Variants in MYO1B observed in about 807,000 individuals in gnomAD.
MYO1B encodes myosin IB.
MYO1B carries 72 observed loss-of-function variants against 159.7 expected under a neutral mutation model. The observed-to-expected ratio is 0.45, with a 90% CI of 0.37 to 0.55. The LOEUF (loss-of-function observed/expected upper bound fraction) is 0.55, where lower values mean the gene tolerates loss of function less well. Among genes scored for constraint, MYO1B ranks in the 20% least tolerant of loss-of-function variants. The pLI is 0.00. For synonymous variants in MYO1B, 468 were observed against 473.8 expected (o/e 0.99, Z 0.16); for missense variants, 1,062 against 1,364.8 (o/e 0.78, Z 3.50).
chr2:191,319,386 G>A (rs879908374), intron 3 of MYO1B, among the ~76,000 whole-genome samples: 1 of 152,162 alleles, frequency 6.6e-6, no homozygotes, highest in African/African-American at 2.4e-5. Context: ...TAGGCCTGGA[G>A]CCTGCTCAGT....
intron 7 of MYO1B, among the ~76,000 whole-genome samples, chr2:191,353,455 C>T (rs528144368): frequency 3.3e-5 from 5 of 152,288 alleles, no homozygotes; most frequent in East Asian, 1.9e-4. Context: ...GAGAAATATA[C>T]GCTATGAAGA....
At chr2:191,285,192 A>G (rs2125773807) in intron 2 of MYO1B, among the ~76,000 whole-genome samples, 1 of 152,354 alleles carries the variant, frequency 6.6e-6, no homozygotes, top group South Asian at 2.1e-4. Context: ...TATTTGGAAA[A>G]TACTTGTCTC....
intron 1 of MYO1B, among the ~76,000 whole-genome samples, chr2:191,266,597 C>T (rs2125706925): frequency 6.6e-6 from 1 of 152,288 alleles, no homozygotes; most frequent in East Asian, 1.9e-4. Flanking sequence ...TGTGAAAGAC[C>T]ATTTTCAGAC....
intron 19 of MYO1B, among the ~76,000 whole-genome samples, chr2:191,392,844 AT>A (rs1229274926): frequency 1.4e-4 from 21 of 152,362 alleles, no homozygotes; most frequent in African/African-American, 5.0e-4. Flanking sequence ...CTGATTTGTC[AT>A]AAATTCTGAA....
chr2:191,273,528 C>T (rs1043256702), intron 1 of MYO1B, among the ~76,000 whole-genome samples: 5 of 152,206 alleles, frequency 3.3e-5, no homozygotes, highest in African/African-American at 4.8e-5. Context: ...CCAAGTGTCA[C>T]GTCTGCAAGT....
At chr2:191,288,586 A>G (rs12624271) in intron 2 of MYO1B, among the ~76,000 whole-genome samples, 80,179 of 152,108 alleles carry the variant, frequency 0.53, 21,923 homozygotes, top group East Asian at 0.66. Context: ...CCTAAGCTAT[A>G]TTATAAACTT....
chr2:191,274,880 T>C (rs1451779566), intron 1 of MYO1B, among the ~76,000 whole-genome samples: 1 of 151,890 alleles, frequency 6.6e-6, no homozygotes, highest in Non-Finnish European at 1.5e-5. Flanking sequence ...CGTTGTTGAG[T>C]TTTAGTGGTA....
At chr2:191,399,355 A>G (rs560016528) in intron 21 of MYO1B, among the ~76,000 whole-genome samples, 49 of 152,356 alleles carry the variant, frequency 3.2e-4, no homozygotes, top group African/African-American at 1.1e-3. Context: ...TATGGAATAG[A>G]GATTTCAGTG....
At position 191,364,185 on chromosome 2, in the gene MYO1B, G is replaced by T. The variant is rs758118429; in HGVS notation, c.941G>T (p.Gly314Val). 5.6e-6 allele frequency: 9 copies of T among 1,613,854 alleles called. No individual in the cohort carries two copies. In the East Asian group the frequency reaches 1.8e-4, roughly 32 times the overall value. The change falls in exon 11 of 31, where the codon GGC (glycine) becomes GTC (valine). Residue 314 changes from glycine to valine, a missense_variant. Coordinates refer to ENST00000392318, the MANE Select transcript of MYO1B (RefSeq NM_001130158.3). ...TTAAAAGAAATTTGTGAATTGACCG[G>T]CATTGATCAATCAGTTCTAGAACGA... ...NELKEICELT[G>V]IDQSVLERAF... is the part of the protein sequence containing the mutation.
intron 29 of MYO1B, among the ~76,000 whole-genome samples, chr2:191,415,321 T>C (rs1356190325): frequency 1.3e-5 from 2 of 152,316 alleles, no homozygotes; most frequent in East Asian, 1.9e-4. Flanking sequence ...TTAACAAATA[T>C]TGATCATATG....
rs560315887 is a variant in MYO1B, at chr2:191,383,126, G to A, written c.1291-154G>A. ...AGGCAGCTGCATTGAGAAAGTTTTGGGAACTGCCTGTGACATTTGCAGTAC... is the reference window on the plus strand; with the variant it reads ...AGGCAGCTGCATTGAGAAAGTTTTGAGAACTGCCTGTGACATTTGCAGTAC... On this transcript the variant is annotated intron_variant, in intron 14 of 30. Coordinates refer to ENST00000392318, the MANE Select transcript of MYO1B (RefSeq NM_001130158.3). 2.0e-5 allele frequency among the ~76,000 whole-genome samples: 3 copies of A among 152,082 alleles called. No homozygotes were observed. In the East Asian group the frequency reaches 5.8e-4, roughly 29 times the overall value.
At chr2:191,410,972 C>A (rs2126166288) in intron 26 of MYO1B, 94 bp from the exon 27 acceptor site, 1 of 695,918 alleles carries the variant, frequency 1.4e-6, no homozygotes. Flanking sequence ...CTCCCTTATT[C>A]TTGTTGCTGA....
rs1198476269 is a variant in MYO1B at position 191,390,387 on chromosome 2, G to A, written c.1877G>A (p.Arg626Gln). Residue 626 changes from arginine (R) to glutamine (Q), a missense_variant, in exon 18 of 31, where the codon CGA becomes CAA. Arg to Gln is a conservative substitution (Grantham distance 43). Transcript: ENST00000392318. Reference protein sequence around the residue: ...IRYLGLLENVRVRRAGYAFRQ... With the variant: ...IRYLGLLENVQVRRAGYAFRQ... Reference sequence around the variant, plus strand: ...TACCTGGGGCTTTTGGAGAACGTCCGAGTGCGGAGGGCAGGCTACGCCTTC... The same window carrying A: ...TACCTGGGGCTTTTGGAGAACGTCCAAGTGCGGAGGGCAGGCTACGCCTTC... 12 of 1,614,122 alleles carry A rather than the reference G, an allele frequency of 7.4e-6. No individual in the cohort carries two copies. Among genetic ancestry groups the A allele is most frequent in the South Asian group, 1.1e-5 (1 of 91,090 alleles).
At chr2:191,334,808 C>G (rs1366307316) in intron 4 of MYO1B, among the ~76,000 whole-genome samples, 1 of 152,078 alleles carries the variant, frequency 6.6e-6, no homozygotes, top group Non-Finnish European at 1.5e-5. Flanking sequence ...AGCACCAGTT[C>G]CAAATCTCAT....
chr2:191,263,457 TC>T (rs973206080), intron 1 of MYO1B: 1 of 348,486 alleles, frequency 2.9e-6, no homozygotes, highest in African/African-American at 2.2e-5. Context: ...CTCTAGTTTT[TC>T]TACCCACCTA....
chr2:191,336,855 A>T (rs938746039), intron 4 of MYO1B, among the ~76,000 whole-genome samples: 2 of 152,196 alleles, frequency 1.3e-5, no homozygotes, highest in Non-Finnish European at 2.9e-5. Flanking sequence ...ATTCCTAGAA[A>T]AACTTTGGTG....
At chr2:191,369,740 GA>G in intron 12 of MYO1B, 112 bp downstream of exon 12, 1 of 790,352 alleles carries the variant, frequency 1.3e-6, no homozygotes, top group South Asian at 1.7e-5. Context: ...CACTTACAAA[GA>G]TTATTCCTTA....
intron 2 of MYO1B, among the ~76,000 whole-genome samples, chr2:191,283,627 A>G (rs1378521805): frequency 1.3e-5 from 2 of 152,240 alleles, no homozygotes; most frequent in Admixed American, 6.5e-5. Context: ...ACATATGAAG[A>G]AACCGAGGCT....
At chr2:191,330,293 C>G (rs575978329) in intron 4 of MYO1B, among the ~76,000 whole-genome samples, 1 of 152,278 alleles carries the variant, frequency 6.6e-6, no homozygotes, top group South Asian at 2.1e-4. Context: ...GGTGCAAGAT[C>G]TTTTTACTTT....
Sources: gnomAD v4.1 joint callset for allele counts (sites outside exome capture counted in the v4.1 genomes callset) on GRCh38, gnomAD v4.1.1 for gene constraint, MANE v1.5 for transcripts, NCBI Gene and HGNC (gene_info 2026-07-23, HGNC 2026-07-21) for gene names.